The following ADAR variants were observed in gnomAD, a reference collection of about 807,000 sequenced individuals.
ADAR encodes the protein double-stranded RNA-specific adenosine deaminase.
In ADAR, 41 loss-of-function variants were observed where a neutral mutation model predicts 113.2. The observed-to-expected ratio is 0.36, with a 90% confidence interval of 0.28 to 0.47. The LOEUF (loss-of-function observed/expected upper bound fraction) is 0.47, where lower values mean the gene tolerates loss of function less well. Ranked by LOEUF, ADAR falls within the 20% of genes least tolerant of loss-of-function variation. The pLI is 1.00. For missense variants in ADAR, 1,242 were observed against 1,540.9 expected (o/e 0.81, Z 3.25); for synonymous variants, 605 against 572.6 (o/e 1.06, Z -0.81).
rs991749215 is a variant in ADAR at position 154,585,218 on chromosome 1, C to T, written c.3442G>A (p.Gly1148Arg). Residue 1148 changes from glycine to arginine, a missense_variant and splice_region_variant, in exon 14 of 15, where the codon GGG (glycine) becomes AGG (arginine). By Grantham distance (125) the Gly-to-Arg change is moderately radical. Coordinates refer to ENST00000368474, the MANE Select transcript of ADAR (RefSeq NM_001111.5). ...CACTGCGCTCTCCTGTCTCCTTACC[C>T]ATCCACAGTGCCTCTGGTACCGTCC... ...ILDGTRGTVDGPRNELSRVSK... is the reference protein window; with the variant it reads ...ILDGTRGTVDRPRNELSRVSK... 6.2e-7 allele frequency: 1 copy of T among 1,614,162 alleles called. No homozygotes were observed. The highest frequency in any genetic ancestry group is 8.5e-7 in the Non-Finnish European group (1 of 1,180,030).
chr1:154,618,751 T>C (rs929832212), intron 1 of ADAR, among the ~76,000 whole-genome samples: 6 of 151,960 alleles, frequency 3.9e-5, no homozygotes, highest in Admixed American at 6.6e-5. Flanking sequence ...TCTAGCCTTA[T>C]ATTAATAAGC....
intron 9 of ADAR, 60 bp downstream of exon 9, chr1:154,589,309 G>T: frequency 7.5e-7 from 1 of 1,340,672 alleles, no homozygotes; most frequent in Non-Finnish European, 1.1e-6. Flanking sequence ...AGCCATGTGG[G>T]GCAGGGAACT....
upstream of ADAR, among the ~76,000 whole-genome samples, chr1:154,610,714 G>A (rs1416751950): frequency 3.3e-5 from 5 of 149,912 alleles, no homozygotes; most frequent in South Asian, 2.1e-4. Context: ...GGAGGCTGAC[G>A]TGGTAGAAAC....
At position 154,596,858 on chromosome 1, in the gene ADAR, G is replaced by A. The variant is rs1303380878; in HGVS notation, c.2217C>T (p.Gly739=). ...GGLLEYARSH[G]FAAEFKLVDQ... ...CGACCAACTTGAATTCAGCAGCAAA[G>A]CCATGGGAGCGGGCGTACTCCAAAA... Residue 739 remains glycine, a synonymous_variant, in exon 6 of 15, where the codon GGC becomes GGT. Coordinates refer to ENST00000368474, the MANE Select transcript of ADAR (RefSeq NM_001111.5). 2 of 1,613,992 alleles carry A rather than the reference G, an allele frequency of 1.2e-6. No individual in the cohort carries two copies. Among genetic ancestry groups the A allele is most frequent in the African/African-American group, 2.7e-5 (2 of 74,916 alleles).
chr1:154,625,323 A>G (rs1309241553), intron 1 of ADAR, among the ~76,000 whole-genome samples: 1 of 152,186 alleles, frequency 6.6e-6, no homozygotes, highest in East Asian at 1.9e-4. Context: ...CTCAAACCAC[A>G]TAGCCTGATG....
intron 1 of ADAR, among the ~76,000 whole-genome samples, chr1:154,624,803 G>T (rs539060767): frequency 1.3e-5 from 2 of 152,270 alleles, no homozygotes; most frequent in South Asian, 2.1e-4. Flanking sequence ...TACTACAGAA[G>T]CCCAAAAGCT....
At chr1:154,624,622 C>T (rs1698886181) in intron 1 of ADAR, among the ~76,000 whole-genome samples, 4 of 152,192 alleles carry the variant, frequency 2.6e-5, no homozygotes, top group Admixed American at 2.6e-4. Context: ...GCACATCAAT[C>T]ACAGGTCTTT....
chr1:154,594,171 T>C (rs1369142867), intron 6 of ADAR, among the ~76,000 whole-genome samples: 4 of 152,216 alleles, frequency 2.6e-5, no homozygotes, highest in African/African-American at 9.6e-5. Flanking sequence ...CGTAAGCCAC[T>C]GCGCCCGGCT....
intron 1 of ADAR, among the ~76,000 whole-genome samples, chr1:154,606,956 A>ATATATC (rs1553214984): frequency 4.0e-5 from 6 of 150,848 alleles, no homozygotes; most frequent in Non-Finnish European, 8.9e-5. Flanking sequence ...AAATATATAT[A>ATATATC]TATCTTAACA....
chr1:154,607,940 G>C, intron 1 of ADAR, 52 bp downstream of exon 1: 3 of 1,610,210 alleles, frequency 1.9e-6, no homozygotes, highest in East Asian at 2.2e-5. Context: ...AAGCCTGTGA[G>C]GTTGTAAACG....
At chr1:154,593,135 CAAAAAAAAAAAA>C (rs66567439) in intron 6 of ADAR, among the ~76,000 whole-genome samples, 2 of 74,672 alleles carry the variant, frequency 2.7e-5, no homozygotes, top group Non-Finnish European at 4.7e-5. Flanking sequence ...ACTCCATCTC[CAAAAAAAAAAAA>C]AAAAAAAAAC....
At chr1:154,596,609 A>G (rs916112365) in intron 6 of ADAR, among the ~76,000 whole-genome samples, 196 bp downstream of exon 6, 2 of 152,178 alleles carry the variant, frequency 1.3e-5, no homozygotes, top group Non-Finnish European at 2.9e-5. Flanking sequence ...AAAAAGGATC[A>G]TGCTTACTGG....
intron 1 of ADAR, among the ~76,000 whole-genome samples, chr1:154,613,577 TC>T (rs1451571585): frequency 3.3e-5 from 5 of 152,022 alleles, no homozygotes; most frequent in Admixed American, 6.6e-5. Context: ...GAACCATTGC[TC>T]CCAGCTAAAA....
intron 1 of ADAR, among the ~76,000 whole-genome samples, chr1:154,626,169 G>A (rs1698932114): frequency 6.7e-6 from 1 of 149,952 alleles, no homozygotes; most frequent in African/African-American, 2.5e-5. Context: ...AGGCTGGGGT[G>A]CAATGGTGGA....
In ADAR at chr1:154,602,349, T is replaced by C. The variant is rs1394360191; in HGVS notation, c.293A>G (p.His98Arg). 2 of 1,608,188 alleles carry C rather than the reference T, an allele frequency of 1.2e-6. No individual in the cohort carries two copies. The highest frequency in any genetic ancestry group is 1.7e-6 in the Non-Finnish European group (2 of 1,176,952). Residue 98 changes from histidine to arginine, a missense_variant, in exon 2 of 15, where the codon CAT (histidine) becomes CGT (arginine). His to Arg is a conservative substitution (Grantham distance 29, BLOSUM62 0). Around this residue, in one of 2 missense-constraint regions of ADAR, gnomAD observed 462 missense variants for 483.1 expected, o/e 0.96. Coordinates refer to ENST00000368474, the MANE Select transcript of ADAR (RefSeq NM_001111.5). Reference protein sequence around the residue: ...VDIRGVPRGVHLRSQGLQRGF... With the variant: ...VDIRGVPRGVRLRSQGLQRGF... Reference sequence around the variant, plus strand: ...TCTCTGGAGCCCCTGACTTCTGAGATGCACGCCCCTGGGGACACCCCTGAT... The same window carrying C: ...TCTCTGGAGCCCCTGACTTCTGAGACGCACGCCCCTGGGGACACCCCTGAT...
intron 2 of ADAR, 58 bp downstream of exon 2, chr1:154,600,983 G>C (rs749314926): frequency 6.2e-7 from 1 of 1,609,932 alleles, no homozygotes; most frequent in Non-Finnish European, 8.5e-7. Flanking sequence ...CCAAGACTGC[G>C]TCAGGAGCAA....
At chr1:154,614,771 G>A (rs1306562024) in intron 1 of ADAR, among the ~76,000 whole-genome samples, 1 of 152,232 alleles carries the variant, frequency 6.6e-6, no homozygotes, top group African/African-American at 2.4e-5. Flanking sequence ...TCTCCCTGCT[G>A]CTGTAGAGCA....
chr1:154,627,034 CTGTT>C (rs1336039089), intron 1 of ADAR, among the ~76,000 whole-genome samples: 1 of 152,204 alleles, frequency 6.6e-6, no homozygotes, highest in East Asian at 1.9e-4. Flanking sequence ...GTGTAGGCCT[CTGTT>C]TGCAAGTCTC....
In ADAR at chr1:154,602,457, G is replaced by C; in HGVS notation, c.185C>G (p.Pro62Arg). Residue 62 changes from proline (P) to arginine (R), a missense_variant, in exon 2 of 15, where the codon CCG (proline) becomes CGG (arginine). This residue lies in a region of ADAR where 462 missense variants were observed against 483.1 expected (regional missense o/e 0.96). Coordinates refer to ENST00000368474, the MANE Select transcript of ADAR (RefSeq NM_001111.5). Reference sequence around the variant, plus strand: ...TCCTGGGAGGGAAGGTGGCAGTGACGGTGTCTGCTTTCCAATCACCGGTGC... The same window carrying C: ...TCCTGGGAGGGAAGGTGGCAGTGACCGTGTCTGCTTTCCAATCACCGGTGC... ...PEAPVIGKQT[P>R]SLPPSLPGLR... 6.2e-7 allele frequency: 1 copy of C among 1,613,582 alleles called. No individual in the cohort carries two copies. The highest frequency in any genetic ancestry group is 8.5e-7 in the Non-Finnish European group (1 of 1,179,628).
Sources: allele counts gnomAD v4.1 joint callset (sites outside exome capture counted in the v4.1 genomes callset), GRCh38; gene constraint gnomAD v4.1.1; regional missense constraint gnomAD v4.1.1; transcripts MANE v1.5; gene names NCBI Gene and HGNC (gene_info 2026-07-23, HGNC 2026-07-21).